ENG: variants seen among roughly 807,000 people sequenced by gnomAD.
The protein encoded by ENG is endoglin.
ENG carries 17 observed loss-of-function variants against 71.0 expected under a neutral mutation model. The ratio of observed to expected loss-of-function variants is 0.24; its 90% CI spans 0.16 to 0.36. The LOEUF (loss-of-function observed/expected upper bound fraction) is 0.36. ENG is among the 10% of genes least tolerant of loss of function. The pLI is 1.00. For synonymous variants in ENG, 360 were observed against 366.9 expected (o/e 0.98, Z 0.21); for missense variants, 749 against 868.3 (o/e 0.86, Z 1.73).
intron 9 of ENG, 43 bp from the exon 10 acceptor site, chr9:127,819,703 C>A: frequency 2.5e-6 from 4 of 1,591,502 alleles, no homozygotes; most frequent in Non-Finnish European, 3.4e-6. Context: ...CCAGAAAGGA[C>A]CCCAGAGGGT....
At chr9:127,835,112 C>T (rs1025336179) in intron 2 of ENG, among the ~76,000 whole-genome samples, 2 of 152,130 alleles carry the variant, frequency 1.3e-5, no homozygotes, top group African/African-American at 4.8e-5. Context: ...GATCCTCCCG[C>T]CTTAGCCTCC....
At chr9:127,843,730 C>CATATAT (rs1831099913) in intron 1 of ENG, among the ~76,000 whole-genome samples, 1 of 6,862 alleles carries the variant, frequency 1.5e-4, no homozygotes, top group South Asian at 8.3e-3. Context: ...CCCACACATC[C>CATATAT]ACATACATAT....
Position 127,825,789 on chromosome 9 carries a change from G to T in ENG, c.595C>A (p.Arg199Ser). Residue 199 changes from arginine to serine, a missense_variant, in exon 5 of 15, where the codon CGT becomes AGT. By Grantham distance (110) the Arg-to-Ser change is moderately radical (BLOSUM62 -1). Coordinates refer to ENST00000373203, the MANE Select transcript of ENG (RefSeq NM_001114753.3). ...CAGCCCCGGACCAAGGCTGGAGTAC[G>T]CGGCCGCCACTCGAGCGTGCGGCCC... ...DMGRTLEWRP[R>S]TPALVRGCHL... The T allele has an allele frequency of 1.3e-6, 2 of 1,594,378 alleles. No homozygotes were observed. Among genetic ancestry groups the T allele is most frequent in the Non-Finnish European group, 1.7e-6 (2 of 1,171,822 alleles).
At position 127,818,290 on chromosome 9, in the gene ENG, G is replaced by A. The variant is rs747919839; in HGVS notation, c.1516C>T (p.Leu506Phe). 5 of 1,614,108 alleles carry A rather than the reference G, an allele frequency of 3.1e-6. No individual in the cohort carries two copies. Among genetic ancestry groups the A allele is most frequent in the Admixed American group, 1.7e-5 (1 of 60,022 alleles). Residue 506 changes from leucine to phenylalanine, a missense_variant, in exon 12 of 15, where the codon CTC (leucine) becomes TTC (phenylalanine). Coordinates refer to ENST00000373203, the MANE Select transcript of ENG (RefSeq NM_001114753.3). ...CCCTTGGCCGCCCGGCCCTGGATGAGTTCCACGGTGCCTCCCTCAGGCCCC... is the reference window on the plus strand; with the variant it reads ...CCCTTGGCCGCCCGGCCCTGGATGAATTCCACGGTGCCTCCCTCAGGCCCC... ...DLGPEGGTVE[L>F]IQGRAAKGNC... is the part of the protein sequence containing the mutation.
chr9:127,848,124 C>T (rs889570746), intron 1 of ENG, among the ~76,000 whole-genome samples: 4 of 152,114 alleles, frequency 2.6e-5, no homozygotes, highest in African/African-American at 4.8e-5. Context: ...AGCGCTAGGC[C>T]GGCTCCTGCT....
In ENG at chr9:127,818,186, G is replaced by A. The variant is rs1163127969; in HGVS notation, c.1620C>T (p.Pro540=). 1 of 1,614,106 alleles carries A rather than the reference G, an allele frequency of 6.2e-7. No homozygotes were observed. The highest frequency in any genetic ancestry group is 1.7e-5 in the Admixed American group (1 of 60,010). ...AGCTGAGGGTGCCGGTTTTGGGTAT[G>A]GGTACTGTGTAGAAGTGGAGGAGGA... The part of the protein sequence containing the change: ...FSFLLHFYTV[P]IPKTGTLSCT... The change falls in exon 12 of 15, where the codon CCC becomes CCT. Residue 540 remains proline (P), a synonymous_variant. Transcript: ENST00000373203.
At chr9:127,825,642 G>T in intron 5 of ENG, 53 bp downstream of exon 5, 1 of 1,444,774 alleles carries the variant, frequency 6.9e-7, no homozygotes, top group Non-Finnish European at 9.2e-7. Flanking sequence ...GGGGGTCAGG[G>T]GGGTGGTCTC....
In ENG at chr9:127,829,845, G is replaced by A; in HGVS notation, c.220-18C>T. 1 of 1,613,686 alleles carries A rather than the reference G, an allele frequency of 6.2e-7. No individual in the cohort carries two copies. Among genetic ancestry groups the A allele is most frequent in the Non-Finnish European group, 8.5e-7 (1 of 1,180,028 alleles). On this transcript the variant is annotated intron_variant, in intron 2 of 14. Coordinates refer to ENST00000373203, the MANE Select transcript of ENG (RefSeq NM_001114753.3). ...GACGGGCCCTGGGGGACACAGAGGAGAGACACACACAGTCCAGTCAGATTT... is the reference window on the plus strand; with the variant it reads ...GACGGGCCCTGGGGGACACAGAGGAAAGACACACACAGTCCAGTCAGATTT...
At chr9:127,831,554 A>G (rs1830766392) in intron 2 of ENG, among the ~76,000 whole-genome samples, 1 of 150,910 alleles carries the variant, frequency 6.6e-6, no homozygotes, top group Non-Finnish European at 1.5e-5. Context: ...TGCCTGGCTA[A>G]GTTTTGTATT....
At chr9:127,828,835 GTTTC>G (rs2131894000) in intron 3 of ENG, among the ~76,000 whole-genome samples, 1 of 152,206 alleles carries the variant, frequency 6.6e-6, no homozygotes, top group African/African-American at 2.4e-5. Flanking sequence ...CAGTGGGCAT[GTTTC>G]TTTCTATGCC....
chr9:127,842,582 G>A (rs576622128), intron 2 of ENG, among the ~76,000 whole-genome samples: 161 of 151,858 alleles, frequency 1.1e-3, no homozygotes, highest in African/African-American at 3.7e-3. Context: ...TCACCACCAC[G>A]CCCAACTAAT....
At chr9:127,841,748 A>G (rs760125108) in intron 2 of ENG, among the ~76,000 whole-genome samples, 1 of 152,228 alleles carries the variant, frequency 6.6e-6, no homozygotes. Flanking sequence ...GGCCACATCA[A>G]CCAGGTGTAA....
intron 2 of ENG, among the ~76,000 whole-genome samples, chr9:127,839,165 A>T (rs1191770552): frequency 6.6e-6 from 1 of 151,320 alleles, no homozygotes; most frequent in Non-Finnish European, 1.5e-5. Context: ...AGTGCTCATC[A>T]CCCCATCACC....
At chr9:127,817,325 C>G in intron 12 of ENG, 122 bp from the exon 13 acceptor site, 1 of 953,054 alleles carries the variant, frequency 1.0e-6, no homozygotes, top group Non-Finnish European at 1.7e-6. Context: ...TCCACCGCTT[C>G]GTAGCTGGAT....
intron 1 of ENG, among the ~76,000 whole-genome samples, chr9:127,843,732 C>CACAT (rs1554812389): frequency 8.6e-4 from 11 of 12,754 alleles, no homozygotes; most frequent in African/African-American, 2.4e-3. Flanking sequence ...CACACATCCA[C>CACAT]ATACATATAT....
At chr9:127,828,335 G>A (rs557807301) in intron 3 of ENG, among the ~76,000 whole-genome samples, 1 of 152,278 alleles carries the variant, frequency 6.6e-6, no homozygotes, top group Admixed American at 6.5e-5. Context: ...CCTGTAAAAT[G>A]GGGATACAGC....
chr9:127,842,933 C>T lies in ENG; in HGVS notation c.219+161G>A, dbSNP rs375323947. Among the ~76,000 whole-genome samples, 88 of 152,268 alleles carry T rather than the reference C, an allele frequency of 5.8e-4. 1 individual carries two copies. Among genetic ancestry groups the T allele is most frequent in the African/African-American group, 1.7e-3 (71 of 41,560 alleles). ...CAGACCCTGCCCCTAGAAATGCCAC[C>T]TCTTATGGGCCCTGTGAGATGCCCA... On this transcript the variant is annotated intron_variant, in intron 2 of 14. Transcript: ENST00000373203.
chr9:127,843,670 G>T (rs1831096790), intron 1 of ENG, among the ~76,000 whole-genome samples: 2 of 106,810 alleles, frequency 1.9e-5, no homozygotes, highest in African/African-American at 3.6e-5. Flanking sequence ...CATATACATA[G>T]ATCTACATAT....
chr9:127,840,280 C>T (rs774508290), intron 2 of ENG, among the ~76,000 whole-genome samples: 5 of 152,252 alleles, frequency 3.3e-5, no homozygotes, highest in Non-Finnish European at 5.9e-5. Context: ...TGCACGCATG[C>T]GTGCATTCAC....
Sources: gnomAD v4.1 joint callset for allele counts (sites outside exome capture counted in the v4.1 genomes callset) on GRCh38, gnomAD v4.1.1 for gene constraint, MANE v1.5 for transcripts, NCBI Gene and HGNC (gene_info 2026-07-23, HGNC 2026-07-21) for gene names.